Variants in HIF3A observed in about 807,000 individuals in gnomAD.
HIF3A encodes the protein hypoxia-inducible factor 3-alpha.
HIF3A carries 41 observed loss-of-function variants against 67.2 expected under a neutral mutation model. That is an observed-to-expected ratio of 0.61 (90% CI 0.48 to 0.79). The LOEUF (loss-of-function observed/expected upper bound fraction) is 0.79, where lower values mean the gene tolerates loss of function less well. Ranked by LOEUF, HIF3A falls within the 30% of genes least tolerant of loss-of-function variation. The pLI, the probability that HIF3A is intolerant of heterozygous loss-of-function variation, is 0.00. For missense variants in HIF3A, 855 were observed against 898.0 expected, an observed-to-expected ratio of 0.95 and a Z score of 0.61; for synonymous variants, 356 against 374.8, an observed-to-expected ratio of 0.95 and a Z score of 0.58.
rs115296336 is a variant in HIF3A, at chr19:46,325,436, C to T, written c.1336-99C>T. On this transcript the variant is annotated intron_variant, in intron 10 of 14. Coordinates refer to ENST00000377670, the MANE Select transcript of HIF3A (RefSeq NM_152795.4). Reference sequence around the variant, plus strand: ...CCCCCTTTGTGCCCCAGATGCCTGGCATTTGATCCCCACTTCTACCCTTGA... The same window carrying T: ...CCCCCTTTGTGCCCCAGATGCCTGGTATTTGATCCCCACTTCTACCCTTGA... The T allele has an allele frequency of 1.8e-3, 1,407 of 800,070 alleles. 8 individuals carry two copies. In the African/African-American group the frequency reaches 0.02, roughly 11 times the overall value. 49.6% of individuals were successfully genotyped at this position (800,070 alleles called of 1,614,324 possible).
At chr19:46,323,949 A>C (rs1970575756) in intron 10 of HIF3A, among the ~76,000 whole-genome samples, 1 of 152,180 alleles carries the variant, frequency 6.6e-6, no homozygotes, top group African/African-American at 2.4e-5. Flanking sequence ...CTATAGTTCA[A>C]GATGAGATTT....
At position 46,299,855 on chromosome 19, in the gene HIF3A, A is replaced by C. The variant is rs78590521; in HGVS notation, c.26+2753A>C. ...CACCCAACAGGTGTGCCACAAACTG[A>C]GCTCAAGTCAGAGTAGACAGACCTG... On this transcript the variant is annotated intron_variant, in intron 1 of 14. Transcript: ENST00000377670. 3.5e-3 allele frequency among the ~76,000 whole-genome samples: 538 copies of C among 152,200 alleles called. 7 individuals carry two copies. The highest frequency in any genetic ancestry group is 0.012 in the African/African-American group (503 of 41,540).
rs759296125 is a variant in HIF3A at position 46,323,937 on chromosome 19, G to A, written c.1336-1598G>A. ...CTCCCACAGTGTGTGGGAATTATGG[G>A]ACTATAGTTCAAGATGAGATTTGGG... On this transcript the variant is annotated intron_variant, in intron 10 of 14. Coordinates refer to ENST00000377670, the MANE Select transcript of HIF3A (RefSeq NM_152795.4). Among the ~76,000 whole-genome samples, 63 of 152,196 alleles carry A rather than the reference G, an allele frequency of 4.1e-4. 1 individual carries two copies. The highest frequency in any genetic ancestry group is 7.2e-4 in the Non-Finnish European group (49 of 68,006).
chr19:46,297,276 G>C lies in HIF3A; in HGVS notation c.26+174G>C, dbSNP rs773582167. On this transcript the variant is annotated intron_variant, in intron 1 of 14. Transcript: ENST00000377670. The surrounding 1 kb of genome is among the most constrained non-coding windows in gnomAD (Gnocchi z 4.5). ...CTCCACCCTTAGGGACTGCAGGGGTGGGGGATTCCCTACGTCTCTGGCTGC... is the reference window on the plus strand; with the variant it reads ...CTCCACCCTTAGGGACTGCAGGGGTCGGGGATTCCCTACGTCTCTGGCTGC... Among the ~76,000 whole-genome samples, 14 of 152,118 alleles carry C rather than the reference G, an allele frequency of 9.2e-5. No individual in the cohort carries two copies. Among genetic ancestry groups the C allele is most frequent in the Non-Finnish European group, 2.1e-4 (14 of 68,006 alleles).
chr19:46,327,352 A>G (rs1970864681), intron 11 of HIF3A, among the ~76,000 whole-genome samples: 2 of 147,344 alleles, frequency 1.4e-5, no homozygotes, highest in Non-Finnish European at 3.0e-5. Flanking sequence ...GCCTCACTCT[A>G]TCACCCAAGC....
intron 10 of HIF3A, among the ~76,000 whole-genome samples, chr19:46,324,534 T>C (rs1429483641): frequency 6.6e-6 from 1 of 152,122 alleles, no homozygotes; most frequent in Non-Finnish European, 1.5e-5. Context: ...CTCCAAGACC[T>C]TTAACCCCAG....
intron 5 of HIF3A, 32 bp from the exon 6 acceptor site, chr19:46,309,119 C>T (rs1209516713): frequency 6.3e-7 from 1 of 1,583,402 alleles, no homozygotes; most frequent in Admixed American, 1.7e-5. Context: ...CCCAGAGGCA[C>T]CACTGCCTTG....
chr19:46,321,761 C>G lies in HIF3A; in HGVS notation c.1145-15C>G. Reference sequence around the variant, plus strand: ...TCACCAGCCCGTGTCCTCCCCATCTCCATGTGTCCTGCAGACACCCCTGGC... The same window carrying G: ...TCACCAGCCCGTGTCCTCCCCATCTGCATGTGTCCTGCAGACACCCCTGGC... On this transcript the variant is annotated splice_polypyrimidine_tract_variant and intron_variant, in intron 9 of 14. Coordinates refer to ENST00000377670, the MANE Select transcript of HIF3A (RefSeq NM_152795.4). 6.2e-7 allele frequency: 1 copy of G among 1,610,376 alleles called. No individual in the cohort carries two copies. The highest frequency in any genetic ancestry group is 8.5e-7 in the Non-Finnish European group (1 of 1,178,052).
chr19:46,297,763 A>T lies in HIF3A; in HGVS notation c.26+661A>T, dbSNP rs75292164. 0.04 allele frequency among the ~76,000 whole-genome samples: 6,040 copies of T among 152,042 alleles called. 264 individuals are homozygous for T. Among genetic ancestry groups the T allele is most frequent in the African/African-American group, 0.099 (4,125 of 41,468 alleles). On this transcript the variant is annotated intron_variant, in intron 1 of 14. Transcript: ENST00000377670. This position sits in a 1 kb window ranked among gnomAD's most constrained non-coding sequence, Gnocchi z 4.5. ...TTGTATCCTTTCAAAAGCCAGAGTC[A>T]CCCCCTTAAATAACAGGGAAACAAG... is the stretch of plus-strand genomic sequence containing the variant.
At chr19:46,322,883 G>A (rs566349801) in intron 10 of HIF3A, among the ~76,000 whole-genome samples, 10 of 152,062 alleles carry the variant, frequency 6.6e-5, no homozygotes, top group African/African-American at 2.2e-4. Flanking sequence ...GTAGGGTTTC[G>A]GAGCTTCCAT....
intron 12 of HIF3A, among the ~76,000 whole-genome samples, chr19:46,330,092 G>A (rs190576274): frequency 1.7e-3 from 260 of 152,000 alleles, no homozygotes; most frequent in African/African-American, 5.9e-3. Flanking sequence ...AAAAGAAACT[G>A]TCTAGAACTA....
chr19:46,320,522 C>G lies in HIF3A; in HGVS notation c.1105C>G (p.Pro369Ala), dbSNP rs760791893. Residue 369 changes from proline to alanine, a missense_variant, in exon 9 of 15, where the codon CCC (proline) becomes GCC (alanine). Around this residue, in one of 3 missense-constraint regions of HIF3A, gnomAD observed 638 missense variants for 660.5 expected, o/e 0.97. Coordinates refer to ENST00000377670, the MANE Select transcript of HIF3A (RefSeq NM_152795.4). ...HSRRPIQRGA[P>A]SQKDTPNPGD... ...TCGCAGACCCATTCAGCGGGGCGCC[C>G]CCTCTCAGAAGGACACCCCTAACCC... 38 of 1,614,026 alleles carry G rather than the reference C, an allele frequency of 2.4e-5. No individual in the cohort carries two copies. Among genetic ancestry groups the G allele is most frequent in the South Asian group, 3.3e-5 (3 of 91,094 alleles).
chr19:46,334,762 G>A (rs1848681422), intron 13 of HIF3A, 143 bp from the exon 14 acceptor site: 2 of 571,830 alleles, frequency 3.5e-6, no homozygotes, highest in African/African-American at 1.9e-5. Flanking sequence ...GCCCAGGCTG[G>A]TCTCAAACGT....
chr19:46,339,639 A>G lies in HIF3A; in HGVS notation c.*17A>G, dbSNP rs1484016852. ...GCTGACTGAGCCGGCTCCTCTCCCC[A>G]TCTGCCTTCTCCTCCCCCAGAAAGG... On this transcript the variant is annotated 3_prime_UTR_variant, in exon 15 of 15. Transcript: ENST00000377670. 1.3e-6 allele frequency: 2 copies of G among 1,559,160 alleles called. No homozygotes were observed. Among genetic ancestry groups the G allele is most frequent in the East Asian group, 4.6e-5 (2 of 43,750 alleles).
At chr19:46,304,838 TC>T (rs913474580) in intron 2 of HIF3A, among the ~76,000 whole-genome samples, 18 of 146,412 alleles carry the variant, frequency 1.2e-4, no homozygotes, top group African/African-American at 4.5e-4. Flanking sequence ...CTCTGGAAGG[TC>T]CTGCCCTCCA....
At chr19:46,298,646 A>G in intron 1 of HIF3A, 1 of 579,042 alleles carries the variant, frequency 1.7e-6, no homozygotes, top group South Asian at 1.9e-5. Context: ...GTGCCCAGTG[A>G]GGTAGTATTC....
At chr19:46,317,825 T>C (rs1970036958) in intron 8 of HIF3A, among the ~76,000 whole-genome samples, 1 of 152,080 alleles carries the variant, frequency 6.6e-6, no homozygotes, top group East Asian at 1.9e-4. Context: ...TCTGTAGTAC[T>C]TACCACTATC....
chr19:46,329,321 G>A lies in HIF3A; in HGVS notation c.1555G>A (p.Val519Ile). Residue 519 changes from valine (V) to isoleucine (I), a missense_variant, in exon 12 of 15, where the codon GTC (valine) becomes ATC (isoleucine). By Grantham distance (29) the Val-to-Ile change is conservative. Transcript: ENST00000377670. ...GGCCTACCACAGACCTCTGGGGGCT[G>A]TCCCCCGGCCCCGTGCTCGGAGCTT... Reference protein sequence around the residue: ...PRAYHRPLGAVPRPRARSFHG... With the variant: ...PRAYHRPLGAIPRPRARSFHG... The A allele has an allele frequency of 6.2e-7, 1 of 1,613,292 alleles. No homozygotes were observed. Among genetic ancestry groups the A allele is most frequent in the Non-Finnish European group, 8.5e-7 (1 of 1,179,932 alleles).
Position 46,343,221 on chromosome 19 carries a change from C to T in HIF3A, c.*3599C>T, listed in dbSNP as rs1318946285. The T allele has an allele frequency of 6.5e-6, 1 of 152,850 alleles. No individual in the cohort carries two copies. The highest frequency in any genetic ancestry group is 1.5e-5 in the Non-Finnish European group (1 of 68,226). The allele number at this position is 152,850 out of a possible 1,614,324, so 9.5% of individuals were successfully genotyped here. A position where few individuals can be genotyped will look rare whatever the true frequency, so the allele number is the denominator to read the frequency against. On this transcript the variant is annotated 3_prime_UTR_variant, in exon 15 of 15. Transcript: ENST00000377670. Reference sequence around the variant, plus strand: ...CCCCATTTACCCCGTTTGTGGAAGGCACTGCTCGCTCTGTTTTGTCAGAGA... The same window carrying T: ...CCCCATTTACCCCGTTTGTGGAAGGTACTGCTCGCTCTGTTTTGTCAGAGA...
Sources: allele counts gnomAD v4.1 joint callset (sites outside exome capture counted in the v4.1 genomes callset), GRCh38; gene constraint gnomAD v4.1.1; regional missense constraint gnomAD v4.1.1; non-coding constraint Gnocchi (gnomAD v3.1); transcripts MANE v1.5; gene names NCBI Gene and HGNC (gene_info 2026-07-23, HGNC 2026-07-21).